Variants in PDZD2 observed in about 807,000 individuals in gnomAD.
PDZD2 encodes the protein PDZ domain-containing protein 2.
In PDZD2, 90 loss-of-function variants were observed where a neutral mutation model predicts 220.7. The observed-to-expected ratio is 0.41, with a 90% CI of 0.34 to 0.49. The LOEUF (loss-of-function observed/expected upper bound fraction) is 0.49. Ranked by LOEUF, PDZD2 falls within the 20% of genes least tolerant of loss-of-function variation. PDZD2 has a pLI of 0.28. For missense variants in PDZD2, 3,174 were observed against 3,608.5 expected (o/e 0.88, Z 3.08); for synonymous variants, 1,375 against 1,450.5 (o/e 0.95, Z 1.18).
At chr5:31,811,484 G>A (rs895440154) in intron 2 of PDZD2, among the ~76,000 whole-genome samples, 2 of 152,160 alleles carry the variant, frequency 1.3e-5, no homozygotes, top group Admixed American at 6.5e-5. Context: ...CTTAAATTTA[G>A]CCATGTCCTT....
intron 1 of PDZD2, among the ~76,000 whole-genome samples, chr5:31,737,389 G>T (rs548841163): frequency 6.6e-6 from 1 of 152,092 alleles, no homozygotes; most frequent in Non-Finnish European, 1.5e-5. Flanking sequence ...AGCCAGGATG[G>T]TCTTGATCTC....
chr5:32,052,434 C>T (rs770096396), intron 8 of PDZD2, 177 bp from the exon 9 acceptor site: 15 of 563,366 alleles, frequency 2.7e-5, no homozygotes, highest in East Asian at 9.7e-5. Context: ...GCATGAGCCA[C>T]GGTGCCCAGC....
Position 32,000,519 on chromosome 5 carries a change from G to GT in PDZD2, c.1254+256dup, listed in dbSNP as rs1195373363. Among the ~76,000 whole-genome samples the GT allele has an allele frequency of 9.7e-6, 1 of 103,078 alleles. No individual in the cohort carries two copies. Among genetic ancestry groups the GT allele is most frequent in the African/African-American group, 3.2e-5 (1 of 31,674 alleles). 67.6% of individuals were successfully genotyped at this position (103,078 alleles called of 152,430 possible). On this transcript the variant is annotated intron_variant, in intron 5 of 24. Transcript: ENST00000438447. The surrounding 1 kb of genome is among the most constrained non-coding windows in gnomAD (Gnocchi z 4.5). ...TGTTTTTGTTTTTGTTTTTGTTTTT[G>GT]TTTTTTTTGAGACGGAGTTTCACTC...
chr5:31,750,472 T>C (rs1460954031), intron 1 of PDZD2, among the ~76,000 whole-genome samples: 1 of 152,006 alleles, frequency 6.6e-6, no homozygotes, highest in Non-Finnish European at 1.5e-5. Context: ...AGGAACCCTG[T>C]CCCCGTGGAG....
At chr5:32,024,323 A>G (rs767642263) in intron 6 of PDZD2, among the ~76,000 whole-genome samples, 7 of 152,204 alleles carry the variant, frequency 4.6e-5, no homozygotes, top group Non-Finnish European at 8.8e-5. Flanking sequence ...GCCACAGTGC[A>G]TAAGCGCTTA....
At chr5:31,994,064 A>T (rs982391574) in intron 3 of PDZD2, among the ~76,000 whole-genome samples, 22 of 151,954 alleles carry the variant, frequency 1.4e-4, no homozygotes, top group Non-Finnish European at 2.6e-4. Context: ...GTCACCCAGG[A>T]TGGAGCACAG....
rs554219809 is a variant in PDZD2 at position 31,987,572 on chromosome 5, T to C, written c.978+3916T>C. On this transcript the variant is annotated intron_variant, in intron 3 of 24. Transcript: ENST00000438447. ...TACATGGTAACATCTCCCAAGTCTG[T>C]GTCTGAGCCCTCAGCTCTCTCCTGA... Among the ~76,000 whole-genome samples, 274 of 152,332 alleles carry C rather than the reference T, an allele frequency of 1.8e-3. 1 individual carries two copies. Among genetic ancestry groups the C allele is most frequent in the Non-Finnish European group, 2.7e-3 (182 of 68,024 alleles).
intron 1 of PDZD2, among the ~76,000 whole-genome samples, chr5:31,798,197 A>T (rs1182536135): frequency 6.6e-6 from 1 of 152,212 alleles, no homozygotes; most frequent in South Asian, 2.1e-4. Context: ...TCGCCCAGGC[A>T]TTTGGAGAAA....
intron 2 of PDZD2, among the ~76,000 whole-genome samples, chr5:31,866,251 G>A (rs552069425): frequency 3.3e-5 from 5 of 151,872 alleles, no homozygotes; most frequent in South Asian, 4.2e-4. Context: ...GGCCTGCCTC[G>A]GCCTCTGAAA....
Position 32,087,987 on chromosome 5 carries a change from T to C in PDZD2, c.4539T>C (p.Phe1513=). ...ATTCAATTAATCCCGACAAACATTT[T>C]ACTGTGAACAAAAACTTTCTGAGCA... ...VLDSINPDKH[F]TVNKNFLSNY... Residue 1513 remains phenylalanine (F), a synonymous_variant, in exon 20 of 25, where the codon TTT becomes TTC. Coordinates refer to ENST00000438447, the MANE Select transcript of PDZD2 (RefSeq NM_178140.4). The surrounding 1 kb of genome is among the most constrained non-coding windows in gnomAD (Gnocchi z 4.0). 3.1e-6 allele frequency: 5 copies of C among 1,614,234 alleles called. No homozygotes were observed. Among genetic ancestry groups the C allele is most frequent in the Non-Finnish European group, 3.4e-6 (4 of 1,180,026 alleles).
chr5:31,914,358 C>T (rs1166426662), intron 2 of PDZD2, among the ~76,000 whole-genome samples: 1 of 152,066 alleles, frequency 6.6e-6, no homozygotes, highest in African/African-American at 2.4e-5. Flanking sequence ...AGTGAAACCC[C>T]GTCTCTACTA....
intron 1 of PDZD2, among the ~76,000 whole-genome samples, chr5:31,726,961 C>T (rs1162728661): frequency 1.3e-5 from 2 of 152,158 alleles, no homozygotes; most frequent in Non-Finnish European, 2.9e-5. Context: ...GAGGCCTTTA[C>T]TCATGGCAGA....
At chr5:31,772,954 G>A (rs1280054356) in intron 1 of PDZD2, among the ~76,000 whole-genome samples, 1 of 152,180 alleles carries the variant, frequency 6.6e-6, no homozygotes, top group African/African-American at 2.4e-5. Context: ...GTTCCATGGA[G>A]TGTCAGAAAG....
chr5:32,031,274 T>G (rs978199471), intron 6 of PDZD2, among the ~76,000 whole-genome samples: 1 of 152,218 alleles, frequency 6.6e-6, no homozygotes, highest in Non-Finnish European at 1.5e-5. Flanking sequence ...CAGTTACTCA[T>G]CAGACTCTGG....
chr5:31,904,747 A>G (rs1465081477), intron 2 of PDZD2, among the ~76,000 whole-genome samples: 1 of 152,090 alleles, frequency 6.6e-6, no homozygotes, highest in Non-Finnish European at 1.5e-5. Context: ...CGCCCGGCCA[A>G]TATGTCTTTT....
At chr5:31,941,192 A>G (rs895618929) in intron 2 of PDZD2, among the ~76,000 whole-genome samples, 7 of 152,052 alleles carry the variant, frequency 4.6e-5, no homozygotes, top group Admixed American at 1.3e-4. Context: ...AAGTGTTCAT[A>G]TTTTCTCTTG....
At chr5:31,746,198 A>G (rs1750596361) in intron 1 of PDZD2, among the ~76,000 whole-genome samples, 1 of 152,206 alleles carries the variant, frequency 6.6e-6, no homozygotes, top group South Asian at 2.1e-4. Context: ...CCCAGGTTCA[A>G]CCAGGGCAGC....
At chr5:31,743,761 T>A (rs1750409018) in intron 1 of PDZD2, among the ~76,000 whole-genome samples, 1 of 151,774 alleles carries the variant, frequency 6.6e-6, no homozygotes, top group South Asian at 2.1e-4. Flanking sequence ...TCTGTCAGAT[T>A]CTCAGCTAGG....
chr5:31,893,835 T>A (rs1327813880), intron 2 of PDZD2, among the ~76,000 whole-genome samples: 1 of 152,150 alleles, frequency 6.6e-6, no homozygotes, highest in Non-Finnish European at 1.5e-5. Context: ...TTTGTTCACA[T>A]GAAGTTGTAC....
Sources: allele counts gnomAD v4.1 joint callset (sites outside exome capture counted in the v4.1 genomes callset), GRCh38; gene constraint gnomAD v4.1.1; non-coding constraint Gnocchi (gnomAD v3.1); transcripts MANE v1.5; gene names NCBI Gene and HGNC (gene_info 2026-07-23, HGNC 2026-07-21).